Variants in SCP2 observed in about 807,000 individuals in gnomAD.
SCP2 encodes SCP-2/3-oxoacyl-CoA thiolase.
A neutral mutation model predicts 71.4 loss-of-function variants in SCP2; 48 were observed. The observed-to-expected ratio is 0.67, with a 90% confidence interval of 0.53 to 0.86. The LOEUF (loss-of-function observed/expected upper bound fraction) is 0.86. SCP2 is among the 40% of genes least tolerant of loss of function. The probability of loss-of-function intolerance (pLI) is 0.00; values close to 1 mark genes in which losing one functional copy is unlikely to be tolerated. For synonymous variants in SCP2, 220 were observed against 218.1 expected, an observed-to-expected ratio of 1.01 and a Z score of -0.08; for missense variants, 560 against 655.6, an observed-to-expected ratio of 0.85 and a Z score of 1.59.
At chr1:52,936,909 T>C (rs1653794530) in intron 1 of SCP2, among the ~76,000 whole-genome samples, 1 of 152,052 alleles carries the variant, frequency 6.6e-6, no homozygotes, top group African/African-American at 2.4e-5. Context: ...GGTGTTTGCC[T>C]TAAAACAATT....
At chr1:53,026,982 A>G (rs1286619508) in intron 12 of SCP2, among the ~76,000 whole-genome samples, 3 of 144,902 alleles carry the variant, frequency 2.1e-5, no homozygotes, top group Non-Finnish European at 3.0e-5. Flanking sequence ...TCTGTCACCC[A>G]GGATGGGGTG....
At chr1:53,004,116 C>T (rs1361044374) in intron 11 of SCP2, among the ~76,000 whole-genome samples, 1 of 152,120 alleles carries the variant, frequency 6.6e-6, no homozygotes, top group Non-Finnish European at 1.5e-5. Context: ...GTGGGATGTA[C>T]CACTTGGATA....
intron 10 of SCP2, among the ~76,000 whole-genome samples, chr1:52,983,822 G>A (rs1039999201): frequency 6.6e-6 from 1 of 152,176 alleles, no homozygotes; most frequent in Non-Finnish European, 1.5e-5. Flanking sequence ...CTTTTACCTT[G>A]AGAGTATTGG....
intron 13 of SCP2, among the ~76,000 whole-genome samples, chr1:53,037,885 C>T (rs1219096885): frequency 3.9e-5 from 3 of 76,326 alleles, no homozygotes; most frequent in East Asian, 8.5e-4. Context: ...TACATACACA[C>T]ACACACACAC....
intron 10 of SCP2, among the ~76,000 whole-genome samples, chr1:52,981,642 G>T (rs1212239051): frequency 6.6e-6 from 1 of 151,530 alleles, no homozygotes; most frequent in African/African-American, 2.4e-5. Context: ...ATGTTGCGCG[G>T]GCTGTTCTCA....
chr1:52,978,791 G>C (rs1658211415), intron 9 of SCP2, among the ~76,000 whole-genome samples: 2 of 152,038 alleles, frequency 1.3e-5, no homozygotes, highest in South Asian at 4.2e-4. Flanking sequence ...TTGAATTCCT[G>C]GCTCAAGTGA....
chr1:53,009,040 A>T (rs1415600809), intron 11 of SCP2, among the ~76,000 whole-genome samples: 2 of 152,174 alleles, frequency 1.3e-5, no homozygotes, highest in African/African-American at 4.8e-5. Flanking sequence ...CTTCAAAGAG[A>T]ATAAAATACC....
intron 13 of SCP2, among the ~76,000 whole-genome samples, chr1:53,030,677 A>G (rs1662475088): frequency 6.6e-6 from 1 of 151,940 alleles, no homozygotes; most frequent in Non-Finnish European, 1.5e-5. Flanking sequence ...GGATCACTTG[A>G]TGTCAGGAGT....
At chr1:53,004,339 T>G (rs1199024603) in intron 11 of SCP2, among the ~76,000 whole-genome samples, 2 of 152,212 alleles carry the variant, frequency 1.3e-5, no homozygotes, top group African/African-American at 2.4e-5. Flanking sequence ...GTATTTTACT[T>G]TTTTTTGAAA....
intron 11 of SCP2, among the ~76,000 whole-genome samples, chr1:53,009,720 A>T (rs1660863968): frequency 6.6e-6 from 1 of 152,222 alleles, no homozygotes; most frequent in Admixed American, 6.5e-5. Context: ...GGCATGGGCA[A>T]GGACTTCATG....
At chr1:53,015,572 G>A (rs1262372109) in intron 12 of SCP2, among the ~76,000 whole-genome samples, 4 of 152,112 alleles carry the variant, frequency 2.6e-5, no homozygotes, top group African/African-American at 9.7e-5. Context: ...ATCTCTCAAA[G>A]AAATGTTCCT....
intron 9 of SCP2, among the ~76,000 whole-genome samples, chr1:52,979,685 T>A (rs1658305984): frequency 6.6e-6 from 1 of 152,152 alleles, no homozygotes; most frequent in South Asian, 2.1e-4. Flanking sequence ...CTTCAACTTG[T>A]TTATCACAAC....
At chr1:52,992,032 A>G (rs1659550662) in intron 11 of SCP2, among the ~76,000 whole-genome samples, 1 of 152,204 alleles carries the variant, frequency 6.6e-6, no homozygotes, top group South Asian at 2.1e-4. Context: ...AATAACAATC[A>G]ATATCTAGCA....
At chr1:52,941,483 T>G (rs1320138962) in intron 1 of SCP2, among the ~76,000 whole-genome samples, 1 of 152,152 alleles carries the variant, frequency 6.6e-6, no homozygotes, top group East Asian at 1.9e-4. Flanking sequence ...ACACCTGTAA[T>G]CCCAGCACTT....
chr1:52,940,277 G>A (rs929975996), intron 1 of SCP2: 4 of 153,622 alleles, frequency 2.6e-5, no homozygotes, highest in African/African-American at 9.6e-5. Context: ...GGTGGTGCGT[G>A]CCTGTAGTCC....
At chr1:52,998,338 G>A (rs1396669743) in intron 11 of SCP2, among the ~76,000 whole-genome samples, 1 of 152,220 alleles carries the variant, frequency 6.6e-6, no homozygotes, top group East Asian at 1.9e-4. Flanking sequence ...GCTCACGCCT[G>A]TAATCCCAGC....
chr1:53,047,506 A>C (rs72670841), intron 14 of SCP2, among the ~76,000 whole-genome samples: 2 of 152,300 alleles, frequency 1.3e-5, no homozygotes, highest in African/African-American at 2.4e-5. Flanking sequence ...GGCATCATAC[A>C]GTTTCTTTTG....
At chr1:53,039,770 A>C (rs1663291642) in intron 14 of SCP2, among the ~76,000 whole-genome samples, 1 of 152,220 alleles carries the variant, frequency 6.6e-6, no homozygotes, top group Non-Finnish European at 1.5e-5. Flanking sequence ...GATCTTAACT[A>C]GTCCCATGCT....
chr1:52,994,202 T>G, intron 11 of SCP2: 1 of 1,025,434 alleles, frequency 9.8e-7, no homozygotes, highest in Non-Finnish European at 1.2e-6. Context: ...GTCTGGATGA[T>G]AATAAATATT....
Sources: allele counts gnomAD v4.1 joint callset (sites outside exome capture counted in the v4.1 genomes callset), GRCh38; gene constraint gnomAD v4.1.1; transcripts MANE v1.5; gene names NCBI Gene and HGNC (gene_info 2026-07-23, HGNC 2026-07-21).